Variants in DMD observed in about 807,000 individuals in gnomAD.
DMD encodes the protein dystrophin, also known as mutant dystrophin.
In DMD, 63 loss-of-function variants were observed where a neutral mutation model predicts 330.1. The ratio of observed to expected loss-of-function variants is 0.19; its 90% CI spans 0.16 to 0.24. DMD has a LOEUF of 0.24. Ranked by LOEUF, DMD falls within the 10% of genes least tolerant of loss-of-function variation. The probability of loss-of-function intolerance (pLI) is 1.00; values close to 1 mark genes in which losing one functional copy is unlikely to be tolerated. For synonymous variants in DMD, 1,223 were observed against 959.8 expected (o/e 1.27, Z -5.07); for missense variants, 3,344 against 2,684.1 (o/e 1.25, Z -5.43).
intron 45 of DMD, among the ~76,000 whole-genome samples, chrX:31,951,039 A>C (rs2095155152): frequency 9.8e-6 from 1 of 101,694 alleles, no homozygotes; most frequent in South Asian, 4.3e-4. Context: ...TGGATTTTGG[A>C]TTTCTTTAGA....
At chrX:31,189,909 A>C (rs751875412) in intron 67 of DMD, among the ~76,000 whole-genome samples, 1 of 112,893 alleles carries the variant, frequency 8.9e-6, no homozygotes, top group South Asian at 3.7e-4. Context: ...CGATTACAGT[A>C]AATGTCCTTG....
chrX:33,080,467 C>T (rs1277273953), intron 1 of DMD, among the ~76,000 whole-genome samples: 1 of 111,979 alleles, frequency 8.9e-6, no homozygotes, highest in Admixed American at 9.5e-5. Flanking sequence ...ACATTCCCTA[C>T]ACACCTTGTA....
intron 6 of DMD, among the ~76,000 whole-genome samples, chrX:32,812,166 C>G (rs774957946): frequency 5.0e-4 from 55 of 110,995 alleles, no homozygotes; most frequent in African/African-American, 1.8e-3. Flanking sequence ...TCTACTCCTA[C>G]AAAAAAACTC....
At chrX:33,284,654 T>G (rs984818157) in intron 1 of DMD, among the ~76,000 whole-genome samples, 1 of 104,651 alleles carries the variant, frequency 9.6e-6, no homozygotes, top group African/African-American at 3.4e-5. Context: ...TTGTCTCCAG[T>G]TACAGGCCCT....
intron 48 of DMD, among the ~76,000 whole-genome samples, chrX:31,856,768 T>C (rs1002322453): frequency 1.8e-5 from 2 of 112,208 alleles, no homozygotes; most frequent in African/African-American, 3.2e-5. Context: ...TCTCCAATTA[T>C]GTAAATCACT....
chrX:31,223,788 T>C (rs913229921), intron 63 of DMD, among the ~76,000 whole-genome samples: 7 of 112,085 alleles, frequency 6.2e-5, no homozygotes, highest in Admixed American at 1.9e-4. Flanking sequence ...ACAAAAAAAG[T>C]TTATATAAAC....
At chrX:31,624,898 T>C (rs1031684896) in intron 55 of DMD, among the ~76,000 whole-genome samples, 1 of 112,448 alleles carries the variant, frequency 8.9e-6, no homozygotes, top group East Asian at 2.8e-4. Context: ...GCTGAAATAC[T>C]GAAATTGCAT....
intron 41 of DMD, among the ~76,000 whole-genome samples, chrX:32,331,827 G>A (rs760045503): frequency 2.7e-5 from 3 of 111,548 alleles, no homozygotes; most frequent in African/African-American, 6.5e-5. Context: ...TATAAATCAC[G>A]TATAAATGGT....
chrX:32,458,784 A>G (rs2098371833), intron 25 of DMD, among the ~76,000 whole-genome samples: 1 of 111,590 alleles, frequency 9.0e-6, no homozygotes, highest in Non-Finnish European at 1.9e-5. Flanking sequence ...GGTCATTTCT[A>G]CGTATTCTTT....
At chrX:32,190,106 A>G (rs989324897) in intron 44 of DMD, among the ~76,000 whole-genome samples, 30 of 110,730 alleles carry the variant, frequency 2.7e-4, no homozygotes, top group African/African-American at 9.2e-4. Flanking sequence ...TTGTGATTAA[A>G]GAAGAGAGTA....
intron 64 of DMD, among the ~76,000 whole-genome samples, chrX:31,221,256 C>A (rs2046001839): frequency 9.0e-6 from 1 of 111,430 alleles, no homozygotes; most frequent in African/African-American, 3.3e-5. Flanking sequence ...AGGCCAAATC[C>A]CCTGACCTCT....
At chrX:32,036,808 G>A (rs2095951388) in intron 44 of DMD, among the ~76,000 whole-genome samples, 2 of 111,709 alleles carry the variant, frequency 1.8e-5, no homozygotes, top group Non-Finnish European at 3.8e-5. Context: ...CTTAATGGAA[G>A]GGCAGATGAG....
chrX:32,585,564 G>A (rs888394891), intron 13 of DMD, among the ~76,000 whole-genome samples: 1 of 107,015 alleles, frequency 9.3e-6, no homozygotes, highest in Non-Finnish European at 1.9e-5. Context: ...GCCAGGCGTG[G>A]TGGCAGGCGC....
At chrX:33,076,790 C>T (rs748417175) in intron 1 of DMD, among the ~76,000 whole-genome samples, 5 of 111,668 alleles carry the variant, frequency 4.5e-5, no homozygotes, top group South Asian at 7.6e-4. Flanking sequence ...TGGACAGAGC[C>T]GATTCATCAA....
Position 32,963,586 on chromosome X carries a change from G to T in DMD, c.93+56553C>A, listed in dbSNP as rs1428496075. 1.2e-4 allele frequency among the ~76,000 whole-genome samples: 13 copies of T among 112,468 alleles called. No homozygotes were observed. In the Admixed American group the frequency reaches 1.2e-3, roughly 11 times the overall value. On this transcript the variant is annotated intron_variant, in intron 2 of 78. Coordinates refer to ENST00000357033, the MANE Select transcript of DMD (RefSeq NM_004006.3). ...TCAATAACTACTGTTTTGATTGATT[G>T]TATTAATCCAAATATTGAAATGAGC...
chrX:31,290,212 T>C (rs1226296608), intron 62 of DMD, among the ~76,000 whole-genome samples: 3 of 110,524 alleles, frequency 2.7e-5, no homozygotes, highest in African/African-American at 6.6e-5. Context: ...TGAGCCACCA[T>C]GCCCAGTCTT....
At chrX:32,562,431 C>T (rs900573820) in intron 16 of DMD, among the ~76,000 whole-genome samples, 6 of 112,523 alleles carry the variant, frequency 5.3e-5, no homozygotes, top group East Asian at 5.6e-4. Context: ...AGCAATCATA[C>T]GCGCAAGCAG....
chrX:33,189,140 C>T lies in DMD; in HGVS notation c.31+22142G>A, dbSNP rs182885293. ...TTGTATATATATATAGATATATATC[C>T]TTCTTGCTGCTAGAACAATAACAAA... is the stretch of plus-strand genomic sequence containing the variant. On this transcript the variant is annotated intron_variant, in intron 1 of 78. Coordinates refer to ENST00000357033, the MANE Select transcript of DMD (RefSeq NM_004006.3). 6.9e-4 allele frequency among the ~76,000 whole-genome samples: 76 copies of T among 110,886 alleles called. No individual in the cohort carries two copies. The East Asian group carries it at 0.02, about 29-fold the overall frequency.
chrX:31,902,600 T>C (rs1015558272), intron 47 of DMD, among the ~76,000 whole-genome samples: 1 of 111,894 alleles, frequency 8.9e-6, no homozygotes, highest in African/African-American at 3.2e-5. Context: ...GATTAGGTGA[T>C]GAAAATTAGT....
Sources: gnomAD v4.1 joint callset for allele counts (sites outside exome capture counted in the v4.1 genomes callset) on GRCh38, gnomAD v4.1.1 for gene constraint, MANE v1.5 for transcripts, NCBI Gene and HGNC (gene_info 2026-07-23, HGNC 2026-07-21) for gene names.